CHM: variants seen among roughly 807,000 people sequenced by gnomAD.
CHM encodes CHM Rab escort protein.
A neutral mutation model predicts 49.0 loss-of-function variants in CHM; 10 were observed. That is an observed-to-expected ratio of 0.20 (90% confidence interval 0.13 to 0.35). The LOEUF is 0.35. CHM is among the 10% of genes least tolerant of loss of function. The pLI is 1.00. For synonymous variants in CHM, 184 were observed against 167.5 expected (o/e 1.10, Z -0.76); for missense variants, 455 against 478.4 (o/e 0.95, Z 0.46).
chrX:85,879,642 CACGTACAA>C (rs2148127088), intron 12 of CHM, among the ~76,000 whole-genome samples: 1 of 111,309 alleles, frequency 9.0e-6, no homozygotes, highest in East Asian at 2.8e-4. Context: ...TAGAGAAAAT[CACGTACAA>C]ACAAGGCCCT....
chrX:85,932,213 C>T (rs1197907337), intron 8 of CHM, among the ~76,000 whole-genome samples: 1 of 111,742 alleles, frequency 8.9e-6, no homozygotes, highest in African/African-American at 3.3e-5. Context: ...TATAAGGGTA[C>T]TTCTAAAACC....
chrX:85,920,600 G>A (rs1927735908), intron 8 of CHM, among the ~76,000 whole-genome samples: 1 of 112,281 alleles, frequency 8.9e-6, no homozygotes, highest in Non-Finnish European at 1.9e-5. Context: ...AGCATTGAGT[G>A]CTTACTACAC....
chrX:85,921,804 CTATA>C (rs1400939747), intron 8 of CHM, among the ~76,000 whole-genome samples: 1 of 112,321 alleles, frequency 8.9e-6, no homozygotes, highest in Non-Finnish European at 1.9e-5. Flanking sequence ...TATCATAACA[CTATA>C]TTTAAAACAA....
intron 2 of CHM, among the ~76,000 whole-genome samples, chrX:86,024,564 G>A (rs1933730247): frequency 8.9e-6 from 1 of 112,119 alleles, no homozygotes; most frequent in Admixed American, 9.5e-5. Flanking sequence ...ATAAACTAGA[G>A]AGCTGGAGAT....
At chrX:85,941,105 T>C (rs1367656967) in intron 8 of CHM, among the ~76,000 whole-genome samples, 1 of 111,821 alleles carries the variant, frequency 8.9e-6, no homozygotes, top group Admixed American at 9.5e-5. Context: ...CTTTAAAAAG[T>C]TGTTGTTGAA....
intron 2 of CHM, among the ~76,000 whole-genome samples, chrX:86,012,122 C>T (rs1474650620): frequency 1.8e-5 from 2 of 111,631 alleles, no homozygotes; most frequent in African/African-American, 3.3e-5. Context: ...AAATGCAAAA[C>T]CACTCGGCAG....
chrX:85,889,597 G>A (rs1244081305), intron 12 of CHM, among the ~76,000 whole-genome samples: 3 of 112,254 alleles, frequency 2.7e-5, no homozygotes, highest in Non-Finnish European at 5.6e-5. Flanking sequence ...CTTATACACT[G>A]TTGGCAGGAA....
chrX:85,981,630 G>T, intron 3 of CHM, 107 bp downstream of exon 3: 3 of 548,474 alleles, frequency 5.5e-6, no homozygotes, highest in South Asian at 3.1e-5. Flanking sequence ...TAAAAATAAA[G>T]AATCAATCCT....
chrX:86,005,887 G>T (rs1025544026), intron 2 of CHM, among the ~76,000 whole-genome samples: 1 of 111,813 alleles, frequency 8.9e-6, no homozygotes, highest in Non-Finnish European at 1.9e-5. Flanking sequence ...AATAGAAAAA[G>T]ATGGAATCCT....
chrX:86,015,826 G>A (rs976203003), intron 2 of CHM, among the ~76,000 whole-genome samples: 8 of 112,393 alleles, frequency 7.1e-5, no homozygotes, highest in African/African-American at 2.6e-4. Context: ...TGTCTAAGCG[G>A]CAAAGCATTC....
At chrX:85,972,993 G>C (rs776721078) in intron 4 of CHM, among the ~76,000 whole-genome samples, 1 of 111,402 alleles carries the variant, frequency 9.0e-6, no homozygotes, top group Admixed American at 9.4e-5. Flanking sequence ...AAATAATCAA[G>C]TGGCATATAT....
intron 14 of CHM, among the ~76,000 whole-genome samples, chrX:85,871,088 GGATCTTGAGGTCAGGA>G (rs1271683248): frequency 9.2e-6 from 1 of 108,540 alleles, no homozygotes; most frequent in Non-Finnish European, 1.9e-5. Flanking sequence ...CGAGGTGGGT[GGATCTTGAGGTCAGGA>G]GATTGAGACC....
chrX:85,870,692 G>A, intron 14 of CHM, among the ~76,000 whole-genome samples: 1 of 111,662 alleles, frequency 9.0e-6, no homozygotes, highest in East Asian at 2.9e-4. Context: ...ACCAAGAAAA[G>A]AGATATATCA....
chrX:85,981,595 A>T, intron 3 of CHM, 142 bp downstream of exon 3: 1 of 473,105 alleles, frequency 2.1e-6, no homozygotes, highest in Non-Finnish European at 3.6e-6. Context: ...AGGTGACTTT[A>T]CATATTTTTT....
intron 12 of CHM, among the ~76,000 whole-genome samples, chrX:85,889,641 T>C (rs905115595): frequency 6.2e-5 from 7 of 112,102 alleles, no homozygotes; most frequent in African/African-American, 2.3e-4. Context: ...GAAAGCAGTT[T>C]GGAGATTTCT....
In CHM at chrX:85,948,007, A is replaced by G. The variant is rs189195427; in HGVS notation, c.1166+8146T>C. ...AGAATAATGAAAGGCTGAATTATCT[A>G]GAAGGTTGACAGTTAAATGCCCTCC... On this transcript the variant is annotated intron_variant, in intron 8 of 14. Transcript: ENST00000357749. Among the ~76,000 whole-genome samples, 408 of 112,140 alleles carry G rather than the reference A, an allele frequency of 3.6e-3. 1 individual carries two copies. Among genetic ancestry groups the G allele is most frequent in the Non-Finnish European group, 6.5e-3 (347 of 53,190 alleles).
intron 2 of CHM, among the ~76,000 whole-genome samples, chrX:85,995,513 C>T (rs983939553): frequency 1.8e-5 from 2 of 111,216 alleles, no homozygotes; most frequent in African/African-American, 6.5e-5. Flanking sequence ...CTTTTCCAAC[C>T]CTACAGCTTA....
intron 2 of CHM, among the ~76,000 whole-genome samples, chrX:85,998,777 G>A (rs1434546538): frequency 9.0e-6 from 1 of 111,089 alleles, no homozygotes; most frequent in Non-Finnish European, 1.9e-5. Context: ...GAATGAGTAT[G>A]GCTTCTGTAC....
chrX:85,873,200 A>G lies in CHM; in HGVS notation c.1622T>C (p.Val541Ala). 8.5e-7 allele frequency: 1 copy of G among 1,175,146 alleles called. No homozygotes were observed. The highest frequency in any genetic ancestry group is 1.2e-6 in the Non-Finnish European group (1 of 867,971). ...YTEMEIENEQ[V>A]EKPRILWALY... ...AGCCCACAGAATTCTTGGCTTTTCT[A>G]CTTGTTCATTTTCTAAATATAGAAA... is the stretch of plus-strand genomic sequence containing the variant. Residue 541 changes from valine (V) to alanine (A), a missense_variant, in exon 14 of 15, where the codon GTA becomes GCA. Val to Ala is a moderately conservative substitution (Grantham distance 64). Transcript: ENST00000357749.
Sources: allele counts gnomAD v4.1 joint callset (sites outside exome capture counted in the v4.1 genomes callset), GRCh38; gene constraint gnomAD v4.1.1; transcripts MANE v1.5; gene names NCBI Gene and HGNC (gene_info 2026-07-23, HGNC 2026-07-21).